The following MAD1L1 variants were observed in gnomAD, a reference collection of about 807,000 sequenced individuals.
MAD1L1 encodes the protein mitotic arrest deficient 1 like 1, also known as mitotic spindle assembly checkpoint protein MAD1.
In MAD1L1, 95 loss-of-function variants were observed where a neutral mutation model predicts 96.9. The observed-to-expected ratio is 0.98, with a 90% CI of 0.83 to 1.16. The LOEUF (loss-of-function observed/expected upper bound fraction) is 1.16. Among genes scored for constraint, MAD1L1 ranks in the 50% most tolerant of loss-of-function variants. MAD1L1 has a pLI of 0.00. For missense variants in MAD1L1, 1,007 were observed against 954.4 expected, an observed-to-expected ratio of 1.06 and a Z score of -0.73; for synonymous variants, 473 against 396.6, an observed-to-expected ratio of 1.19 and a Z score of -2.29.
chr7:1,833,760 G>A (rs1045635064), intron 18 of MAD1L1, among the ~76,000 whole-genome samples: 1 of 152,220 alleles, frequency 6.6e-6, no homozygotes, highest in African/African-American at 2.4e-5. Context: ...GGCCAACATG[G>A]TGAAACCCCC....
At chr7:2,122,318 T>C (rs1244084792) in intron 11 of MAD1L1, among the ~76,000 whole-genome samples, 1 of 152,214 alleles carries the variant, frequency 6.6e-6, no homozygotes, top group African/African-American at 2.4e-5. Context: ...AGCACCTTGA[T>C]AACTGTTACT....
chr7:2,181,938 C>G (rs956483871), intron 10 of MAD1L1, among the ~76,000 whole-genome samples: 2 of 151,912 alleles, frequency 1.3e-5, no homozygotes, highest in Admixed American at 6.6e-5. Context: ...AATGGAAAAA[C>G]CAGACATCTC....
intron 17 of MAD1L1, among the ~76,000 whole-genome samples, chr7:1,918,180 T>C (rs1288171763): frequency 6.6e-6 from 1 of 152,132 alleles, no homozygotes; most frequent in African/African-American, 2.4e-5. Context: ...AGGCTCTGTG[T>C]GACCCTCAGG....
chr7:1,881,508 C>A (rs959157302), intron 18 of MAD1L1, among the ~76,000 whole-genome samples: 2 of 152,050 alleles, frequency 1.3e-5, no homozygotes, highest in Non-Finnish European at 2.9e-5. Context: ...TGTTACACAG[C>A]GAAAGATAAA....
At chr7:1,975,605 T>C (rs1780601545) in intron 15 of MAD1L1, among the ~76,000 whole-genome samples, 1 of 152,144 alleles carries the variant, frequency 6.6e-6, no homozygotes, top group African/African-American at 2.4e-5. Context: ...TAATGGAGAT[T>C]TGTTGGATGA....
At chr7:2,189,074 G>C (rs994289505) in intron 10 of MAD1L1, among the ~76,000 whole-genome samples, 2 of 152,096 alleles carry the variant, frequency 1.3e-5, no homozygotes, top group Non-Finnish European at 1.5e-5. Context: ...ACATGGAACG[G>C]TGCTCCACAC....
intron 10 of MAD1L1, among the ~76,000 whole-genome samples, chr7:2,166,477 G>C (rs538065038): frequency 7.0e-6 from 1 of 142,766 alleles, no homozygotes; most frequent in Non-Finnish European, 1.5e-5. Flanking sequence ...AACTGTTCAA[G>C]CTAAAAAAAA....
intron 10 of MAD1L1, among the ~76,000 whole-genome samples, chr7:2,209,136 T>C (rs1432571259): frequency 2.0e-5 from 3 of 152,152 alleles, no homozygotes; most frequent in African/African-American, 7.2e-5. Flanking sequence ...ACATGTCACA[T>C]GTGCCCAGGC....
intron 17 of MAD1L1, among the ~76,000 whole-genome samples, chr7:1,922,657 G>C (rs1213989831): frequency 6.6e-6 from 1 of 152,196 alleles, no homozygotes; most frequent in Non-Finnish European, 1.5e-5. Flanking sequence ...TGCCCATCTG[G>C]GGCTCTGGGA....
At chr7:2,159,251 A>C (rs1789984490) in intron 10 of MAD1L1, among the ~76,000 whole-genome samples, 1 of 152,226 alleles carries the variant, frequency 6.6e-6, no homozygotes, top group Non-Finnish European at 1.5e-5. Context: ...CTGCCTGTGC[A>C]GGACAGGGGT....
intron 14 of MAD1L1, among the ~76,000 whole-genome samples, chr7:1,989,752 A>G (rs1017377927): frequency 4.6e-5 from 7 of 152,306 alleles, no homozygotes; most frequent in African/African-American, 1.7e-4. Context: ...GATCAGCCCC[A>G]GCGTGGCCCG....
intron 13 of MAD1L1, among the ~76,000 whole-genome samples, chr7:2,009,522 C>T (rs900309221): frequency 5.3e-5 from 8 of 152,234 alleles, no homozygotes; most frequent in African/African-American, 1.7e-4. Context: ...GGAGGCGGCA[C>T]ACCACAGGGT....
chr7:2,060,928 T>G (rs1157951217), intron 12 of MAD1L1, among the ~76,000 whole-genome samples: 1 of 152,102 alleles, frequency 6.6e-6, no homozygotes, highest in African/African-American at 2.4e-5. Flanking sequence ...ACAGAGAAAT[T>G]CCGAGAGTGA....
chr7:2,155,447 T>C (rs1789783390), intron 10 of MAD1L1, among the ~76,000 whole-genome samples: 1 of 152,178 alleles, frequency 6.6e-6, no homozygotes, highest in South Asian at 2.1e-4. Flanking sequence ...ACTGAAACCC[T>C]GTCGCATTAA....
intron 4 of MAD1L1, among the ~76,000 whole-genome samples, chr7:2,224,208 T>C (rs1428958993): frequency 1.3e-5 from 2 of 152,122 alleles, no homozygotes; most frequent in Admixed American, 1.3e-4. Context: ...CCCTCCTGCC[T>C]GACAGCCACA....
At chr7:1,928,578 C>T (rs1789236450) in intron 17 of MAD1L1, among the ~76,000 whole-genome samples, 1 of 152,240 alleles carries the variant, frequency 6.6e-6, no homozygotes, top group Non-Finnish European at 1.5e-5. Flanking sequence ...AGGCATGGTC[C>T]TGCACTTCAG....
chr7:1,866,269 C>A (rs1784776646), intron 18 of MAD1L1, among the ~76,000 whole-genome samples: 1 of 152,158 alleles, frequency 6.6e-6, no homozygotes, highest in Admixed American at 6.5e-5. Context: ...GCTCTGGGAG[C>A]CAGGTGCCCA....
chr7:2,075,913 G>A (rs527811173), intron 11 of MAD1L1, among the ~76,000 whole-genome samples: 4 of 152,298 alleles, frequency 2.6e-5, no homozygotes, highest in Non-Finnish European at 4.4e-5. Context: ...GGCAGGCATC[G>A]CACAAACAGG....
intron 12 of MAD1L1, among the ~76,000 whole-genome samples, chr7:2,037,903 C>T (rs2128509093): frequency 6.6e-6 from 1 of 152,238 alleles, no homozygotes; most frequent in Middle Eastern, 3.4e-3. Context: ...TCCTTTAAAC[C>T]AAAAGCTAGA....
Sources: gnomAD v4.1 joint callset for allele counts (sites outside exome capture counted in the v4.1 genomes callset) on GRCh38, gnomAD v4.1.1 for gene constraint, MANE v1.5 for transcripts, NCBI Gene and HGNC (gene_info 2026-07-23, HGNC 2026-07-21) for gene names.